The following UVRAG variants were observed in gnomAD, a reference collection of about 807,000 sequenced individuals.
UVRAG encodes UV radiation resistance associated.
In UVRAG, 19 loss-of-function variants were observed where a neutral mutation model predicts 78.0. The ratio of observed to expected loss-of-function variants is 0.24; its 90% CI spans 0.17 to 0.36. UVRAG has a LOEUF of 0.36. UVRAG is among the 10% of genes least tolerant of loss of function. The pLI is 1.00. For missense variants in UVRAG, 740 were observed against 853.8 expected, an observed-to-expected ratio of 0.87 and a Z score of 1.66; for synonymous variants, 323 against 324.6, an observed-to-expected ratio of 1.00 and a Z score of 0.05.
chr11:76,070,501 AATC>A lies in UVRAG; in HGVS notation c.1305+4716_1305+4718del, dbSNP rs1951282230. 4.6e-5 allele frequency among the ~76,000 whole-genome samples: 7 copies of A among 152,340 alleles called. No homozygotes were observed. In the South Asian group the frequency reaches 1.4e-3, roughly 32 times the overall value. On this transcript the variant is annotated intron_variant, in intron 13 of 14. Coordinates refer to ENST00000356136, the MANE Select transcript of UVRAG (RefSeq NM_003369.4). ...ATATGTTAATTTGTTTGACTGCTAT[AATC>A]ATTTCACTATGTATATGTATATCAA...
chr11:76,084,799 T>C (rs112251677), intron 13 of UVRAG, among the ~76,000 whole-genome samples: 3,973 of 152,206 alleles, frequency 0.026, 176 homozygotes, highest in African/African-American at 0.091. Context: ...CAGTGGCTCA[T>C]GCCTGTAATC....
At chr11:76,031,499 A>G (rs556896206) in intron 12 of UVRAG, among the ~76,000 whole-genome samples, 1 of 152,258 alleles carries the variant, frequency 6.6e-6, no homozygotes, top group South Asian at 2.1e-4. Flanking sequence ...GTGTGCTTTT[A>G]TAGTGCTGAT....
chr11:76,016,855 T>C lies in UVRAG; in HGVS notation c.1101T>C (p.Thr367=). Reference sequence around the variant, plus strand: ...GCATTGCTGTTGCCCTTGGTTATACTGCACATCTGGTCTCCATGATTTCCT... The same window carrying C: ...GCATTGCTGTTGCCCTTGGTTATACCGCACATCTGGTCTCCATGATTTCCT... ...DGSIAVALGY[T]AHLVSMISFF... is the part of the protein sequence containing the mutation. Residue 367 remains threonine, a synonymous_variant, in exon 12 of 15, where the codon ACT becomes ACC. Transcript: ENST00000356136. 2 of 1,611,020 alleles carry C rather than the reference T, an allele frequency of 1.2e-6. No homozygotes were observed. The highest frequency in any genetic ancestry group is 1.1e-5 in the South Asian group (1 of 90,576).
intron 4 of UVRAG, 46 bp downstream of exon 4, chr11:75,880,086 A>G: frequency 1.2e-6 from 2 of 1,605,010 alleles, no homozygotes; most frequent in Non-Finnish European, 1.7e-6. Flanking sequence ...CTCCAAATTA[A>G]CGTGTCTAAC....
At chr11:75,942,824 G>A (rs565399446) in intron 6 of UVRAG, among the ~76,000 whole-genome samples, 1 of 152,170 alleles carries the variant, frequency 6.6e-6, no homozygotes, top group South Asian at 2.1e-4. Flanking sequence ...GAACTTCATG[G>A]TACATATGCT....
At position 75,984,343 on chromosome 11, in the gene UVRAG, C is replaced by T. The variant is rs998553585; in HGVS notation, c.826+830C>T. ...AGTCTACAAAGTGCTCATCTGTGTA[C>T]GGTATTCAATGCTGTGTTATAAAAT... is the stretch of plus-strand genomic sequence containing the variant. On this transcript the variant is annotated intron_variant, in intron 8 of 14. Coordinates refer to ENST00000356136, the MANE Select transcript of UVRAG (RefSeq NM_003369.4). Among the ~76,000 whole-genome samples the T allele has an allele frequency of 3.3e-5, 5 of 152,216 alleles. No homozygotes were observed. In the East Asian group the frequency reaches 5.8e-4, roughly 18 times the overall value.
At chr11:76,113,774 C>G (rs914142033) in intron 13 of UVRAG, among the ~76,000 whole-genome samples, 1 of 151,876 alleles carries the variant, frequency 6.6e-6, no homozygotes, top group African/African-American at 2.4e-5. Flanking sequence ...TTAGTTTCTT[C>G]ATTTATAAGA....
chr11:75,932,833 A>G (rs1298733021), intron 6 of UVRAG, among the ~76,000 whole-genome samples: 1 of 152,244 alleles, frequency 6.6e-6, no homozygotes, highest in East Asian at 1.9e-4. Context: ...ACTACAAGAC[A>G]TTAATACAAG....
At chr11:76,052,872 C>T (rs1020712627) in intron 12 of UVRAG, among the ~76,000 whole-genome samples, 10 of 151,522 alleles carry the variant, frequency 6.6e-5, no homozygotes, top group South Asian at 2.1e-4. Context: ...ATTCCCTATT[C>T]GATATTTTCG....
chr11:76,033,781 C>T (rs753796635), intron 12 of UVRAG, among the ~76,000 whole-genome samples: 1 of 151,946 alleles, frequency 6.6e-6, no homozygotes, highest in Non-Finnish European at 1.5e-5. Flanking sequence ...CATGTTAAAA[C>T]CAGAAGGAGA....
chr11:75,828,684 T>C (rs1294881959), intron 1 of UVRAG, among the ~76,000 whole-genome samples: 3 of 105,240 alleles, frequency 2.9e-5, no homozygotes, highest in African/African-American at 7.2e-5. Context: ...TATATACACA[T>C]ATACATGTGT....
At chr11:76,053,352 T>A (rs1259839799) in intron 12 of UVRAG, among the ~76,000 whole-genome samples, 1 of 133,526 alleles carries the variant, frequency 7.5e-6, no homozygotes, top group Non-Finnish European at 1.5e-5. Context: ...CAAAAATAAA[T>A]ATGCACCTGC....
intron 1 of UVRAG, among the ~76,000 whole-genome samples, chr11:75,821,014 A>G (rs1378490514): frequency 6.6e-6 from 1 of 152,250 alleles, no homozygotes; most frequent in Non-Finnish European, 1.5e-5. Context: ...ACTTAATGTT[A>G]TACAACCATC....
chr11:75,955,952 A>G (rs1390110183), intron 6 of UVRAG, among the ~76,000 whole-genome samples: 2 of 152,090 alleles, frequency 1.3e-5, no homozygotes, highest in Non-Finnish European at 2.9e-5. Flanking sequence ...TCTTCTCCCT[A>G]TGTTAGTCCC....
chr11:76,116,426 G>T (rs1952181333), intron 14 of UVRAG, among the ~76,000 whole-genome samples: 1 of 152,226 alleles, frequency 6.6e-6, no homozygotes, highest in Non-Finnish European at 1.5e-5. Flanking sequence ...GAAGAAAGCA[G>T]ATAAGGAATA....
At chr11:76,034,407 C>T (rs1266708604) in intron 12 of UVRAG, among the ~76,000 whole-genome samples, 6 of 152,040 alleles carry the variant, frequency 3.9e-5, no homozygotes, top group Admixed American at 1.3e-4. Flanking sequence ...CTGTGTTGCC[C>T]GGGCTGGTCC....
intron 8 of UVRAG, among the ~76,000 whole-genome samples, chr11:75,995,888 A>G (rs1048532630): frequency 2.0e-5 from 3 of 152,106 alleles, no homozygotes; most frequent in African/African-American, 7.2e-5. Context: ...GGCATCTTCA[A>G]AATTATTAAT....
intron 4 of UVRAG, 71 bp downstream of exon 4, chr11:75,880,111 T>C: frequency 6.5e-7 from 1 of 1,549,598 alleles, no homozygotes; most frequent in Non-Finnish European, 8.8e-7. Flanking sequence ...CTGTTGATTC[T>C]TCTGATTCTG....
chr11:76,131,677 A>G (rs1320392918), intron 14 of UVRAG, among the ~76,000 whole-genome samples: 2 of 152,126 alleles, frequency 1.3e-5, no homozygotes, highest in African/African-American at 2.4e-5. Flanking sequence ...TATTGTTTCT[A>G]TTTTTATTTT....
Sources: gnomAD v4.1 joint callset for allele counts (sites outside exome capture counted in the v4.1 genomes callset) on GRCh38, gnomAD v4.1.1 for gene constraint, MANE v1.5 for transcripts, NCBI Gene and HGNC (gene_info 2026-07-23, HGNC 2026-07-21) for gene names.